The following GMDS variants were observed in gnomAD, a reference collection of about 807,000 sequenced individuals.
GMDS encodes GDP-mannose 4,6 dehydratase.
Under a neutral mutation model 49.9 loss-of-function variants are expected in GMDS, and 20 were observed. The ratio of observed to expected loss-of-function variants is 0.40; its 90% CI spans 0.28 to 0.58. The LOEUF is 0.58. Among genes scored for constraint, GMDS ranks in the 20% least tolerant of loss-of-function variants. The pLI is 0.42. For missense variants in GMDS, 362 were observed against 481.4 expected (o/e 0.75, Z 2.32); for synonymous variants, 177 against 178.6 (o/e 0.99, Z 0.07).
intron 4 of GMDS, among the ~76,000 whole-genome samples, chr6:1,981,096 T>C (rs1472956232): frequency 5.3e-5 from 8 of 151,936 alleles, no homozygotes; most frequent in Admixed American, 3.3e-4. Context: ...GCTAGAAAGA[T>C]CTCAAATTAA....
chr6:1,810,317 G>A (rs902333588), intron 7 of GMDS, among the ~76,000 whole-genome samples: 13 of 151,976 alleles, frequency 8.6e-5, no homozygotes, highest in African/African-American at 3.1e-4. Context: ...TTTTTGAGAT[G>A]GAGTCTTGCT....
At chr6:1,809,091 G>A (rs531224848) in intron 7 of GMDS, among the ~76,000 whole-genome samples, 5 of 151,906 alleles carry the variant, frequency 3.3e-5, no homozygotes, top group Non-Finnish European at 7.4e-5. Context: ...TTATAGCCTG[G>A]ATTTACTAAA....
intron 4 of GMDS, among the ~76,000 whole-genome samples, chr6:2,019,979 C>T (rs182360839): frequency 5.8e-4 from 88 of 152,232 alleles, no homozygotes; most frequent in African/African-American, 2.1e-3. Flanking sequence ...TTGCTTGATT[C>T]AATCTGTTAA....
At chr6:1,637,411 G>T (rs1763192821) in intron 9 of GMDS, among the ~76,000 whole-genome samples, 1 of 152,240 alleles carries the variant, frequency 6.6e-6, no homozygotes, top group Non-Finnish European at 1.5e-5. Context: ...AGGCCCCGAG[G>T]AAACTACTGC....
Position 1,624,483 on chromosome 6 carries a change from C to T in GMDS, c.1045G>A (p.Val349Ile), listed in dbSNP as rs145833671. Reference sequence around the variant, plus strand: ...TAAGAGATACTCACATCGAAAGCGACCCGGGGCTTCCAGTTCAGCTTCTGT... The same window carrying T: ...TAAGAGATACTCACATCGAAAGCGATCCGGGGCTTCCAGTTCAGCTTCTGT... ...AKQKLNWKPR[V>I]AFDELVREMV... The change falls in exon 10 of 11, where the codon GTC becomes ATC. Residue 349 changes from valine (V) to isoleucine (I), a missense_variant. Transcript: ENST00000380815. 1.2e-6 allele frequency: 2 copies of T among 1,613,644 alleles called. No homozygotes were observed. The highest frequency in any genetic ancestry group is 1.3e-5 in the African/African-American group (1 of 74,938).
intron 4 of GMDS, among the ~76,000 whole-genome samples, chr6:2,018,295 A>G (rs1768032774): frequency 6.6e-6 from 1 of 152,238 alleles, no homozygotes; most frequent in Non-Finnish European, 1.5e-5. Flanking sequence ...TGAAACAATA[A>G]GGAGTTATGT....
At chr6:1,718,119 G>A (rs766501755) in intron 9 of GMDS, among the ~76,000 whole-genome samples, 4 of 151,904 alleles carry the variant, frequency 2.6e-5, no homozygotes, top group Non-Finnish European at 4.4e-5. Flanking sequence ...CTGGCTCTGC[G>A]ACCAGCTCCC....
At chr6:2,115,931 A>G (rs755669314) in intron 3 of GMDS, 51 bp from the exon 4 acceptor site, 1 of 1,033,950 alleles carries the variant, frequency 9.7e-7, no homozygotes, top group South Asian at 1.3e-5. Context: ...ACATAAGCTC[A>G]ATTTTTAAAA....
chr6:2,194,210 C>T (rs764961786), intron 1 of GMDS, among the ~76,000 whole-genome samples: 1 of 152,058 alleles, frequency 6.6e-6, no homozygotes, highest in Non-Finnish European at 1.5e-5. Flanking sequence ...GATTAAGGTG[C>T]TTCTGTATTC....
In GMDS at chr6:1,766,300, G is replaced by C. The variant is rs923792910; in HGVS notation, c.772-23714C>G. Among the ~76,000 whole-genome samples the C allele has an allele frequency of 1.3e-5, 2 of 152,082 alleles. No homozygotes were observed. The highest frequency in any genetic ancestry group is 2.9e-5 in the Non-Finnish European group (2 of 68,022). ...CAGGAGCAAAGACCACAGAACTTTC[G>C]AGGCAGCAGATTCATTTGGGCTTCA... On this transcript the variant is annotated intron_variant, in intron 7 of 10. Transcript: ENST00000380815. This position sits in a 1 kb window ranked among gnomAD's most constrained non-coding sequence, Gnocchi z 4.5.
At chr6:1,868,725 A>C (rs1358126613) in intron 7 of GMDS, among the ~76,000 whole-genome samples, 1 of 152,222 alleles carries the variant, frequency 6.6e-6, no homozygotes, top group African/African-American at 2.4e-5. Context: ...AAAGGTTACA[A>C]GTAAATGCTT....
chr6:1,738,071 A>G lies in GMDS; in HGVS notation c.890+4397T>C, dbSNP rs535774018. On this transcript the variant is annotated intron_variant, in intron 8 of 10. Coordinates refer to ENST00000380815, the MANE Select transcript of GMDS (RefSeq NM_001500.4). The stretch of plus-strand genomic sequence containing the variant: ...ACATACACCACACACATACACACAT[A>G]CCACACACACACCACACACATACAC... Among the ~76,000 whole-genome samples the G allele has an allele frequency of 1.1e-4, 16 of 141,336 alleles. 1 individual carries two copies. Among genetic ancestry groups the G allele is most frequent in the African/African-American group, 4.2e-4 (16 of 37,978 alleles). 92.7% of individuals were successfully genotyped at this position (141,336 alleles called of 152,430 possible).
intron 7 of GMDS, among the ~76,000 whole-genome samples, chr6:1,758,992 A>G (rs1024378860): frequency 1.3e-5 from 2 of 152,146 alleles, no homozygotes; most frequent in African/African-American, 2.4e-5. Context: ...GCACGATCTC[A>G]GCTCACTGCA....
chr6:2,141,136 C>T (rs1329464828), intron 1 of GMDS, among the ~76,000 whole-genome samples: 1 of 152,170 alleles, frequency 6.6e-6, no homozygotes, highest in Non-Finnish European at 1.5e-5. Context: ...AAAAAATGAG[C>T]TACAAACGGT....
intron 7 of GMDS, among the ~76,000 whole-genome samples, chr6:1,897,757 T>C (rs1398982924): frequency 6.6e-6 from 1 of 152,244 alleles, no homozygotes; most frequent in Non-Finnish European, 1.5e-5. Context: ...CTAGAACTTA[T>C]TTCTTCTAGC....
intron 9 of GMDS, among the ~76,000 whole-genome samples, chr6:1,684,328 T>G (rs995443431): frequency 6.6e-6 from 1 of 152,162 alleles, no homozygotes; most frequent in African/African-American, 2.4e-5. Flanking sequence ...ACTTCCCAGA[T>G]GAACCGTGGG....
intron 7 of GMDS, among the ~76,000 whole-genome samples, chr6:1,793,571 C>T (rs1444636814): frequency 6.6e-6 from 1 of 152,140 alleles, no homozygotes; most frequent in African/African-American, 2.4e-5. Flanking sequence ...GTTTCTGAGC[C>T]ACCGCAGGTG....
intron 7 of GMDS, among the ~76,000 whole-genome samples, chr6:1,769,764 G>A (rs11755098): frequency 3.3e-5 from 5 of 151,682 alleles, no homozygotes; most frequent in Admixed American, 6.6e-5. Flanking sequence ...GTGCAGTGGC[G>A]TGATCTCCAC....
chr6:1,731,174 A>C (rs1766788866), intron 8 of GMDS, among the ~76,000 whole-genome samples: 1 of 152,258 alleles, frequency 6.6e-6, no homozygotes, highest in South Asian at 2.1e-4. Context: ...GAGGAAATCT[A>C]ATCTCCCAGA....
Sources: gnomAD v4.1 joint callset for allele counts (sites outside exome capture counted in the v4.1 genomes callset) on GRCh38, gnomAD v4.1.1 for gene constraint, Gnocchi (gnomAD v3.1) non-coding constraint, MANE v1.5 for transcripts, NCBI Gene and HGNC (gene_info 2026-07-23, HGNC 2026-07-21) for gene names.